ZNF721: variants seen among roughly 807,000 people sequenced by gnomAD.
The protein encoded by ZNF721 is zinc finger protein 721.
In ZNF721, 2 loss-of-function variants were observed where a neutral mutation model predicts 2.4. That is an observed-to-expected ratio of 0.82 (90% CI 0.34 to 2.58). The LOEUF (loss-of-function observed/expected upper bound fraction) is 2.58, where lower values mean the gene tolerates loss of function less well. Ranked by LOEUF, ZNF721 falls within the 30% of genes most tolerant of loss-of-function variation. The pLI is 0.11. For missense variants in ZNF721, 1,187 were observed against 1,085.5 expected (o/e 1.09, Z -1.31); for synonymous variants, 398 against 381.8 (o/e 1.04, Z -0.50).
intron 1 of ZNF721, among the ~76,000 whole-genome samples, chr4:480,689 TA>T (rs1157060799): frequency 1.3e-5 from 2 of 152,208 alleles, no homozygotes; most frequent in East Asian, 3.8e-4. Flanking sequence ...CTGAATGTCC[TA>T]AAGTTTTATA....
rs1487831235 is a variant in ZNF721, at chr4:450,953, AAAAATATATATATATAT to A, written c.35-6538_35-6522del. Among the ~76,000 whole-genome samples the A allele has an allele frequency of 5.4e-3, 183 of 33,580 alleles. 5 individuals are homozygous for A. The highest frequency in any genetic ancestry group is 6.4e-3 in the South Asian group (5 of 778). The allele number at this position is 33,580 out of a possible 152,430, so 22.0% of individuals were successfully genotyped here. On this transcript the variant is annotated intron_variant, in intron 2 of 2. Transcript: ENST00000511833. ...CTCTGTCTCCAAAAAAAAAAAAAAA[AAAAATATATATATATAT>A]ATATATATATATATATATATATATA...
At chr4:482,868 G>T (rs1240132074) in intron 1 of ZNF721, among the ~76,000 whole-genome samples, 1 of 152,124 alleles carries the variant, frequency 6.6e-6, no homozygotes, top group Non-Finnish European at 1.5e-5. Flanking sequence ...TCTGTACTTT[G>T]TTAGAAATAC....
chr4:479,750 T>C (rs1437589704), intron 1 of ZNF721, among the ~76,000 whole-genome samples: 6 of 152,200 alleles, frequency 3.9e-5, no homozygotes, highest in Non-Finnish European at 4.4e-5. Flanking sequence ...CCATGTGGCC[T>C]TGTGGTCTGT....
At chr4:482,584 C>T (rs1715797856) in intron 1 of ZNF721, among the ~76,000 whole-genome samples, 1 of 151,992 alleles carries the variant, frequency 6.6e-6, no homozygotes, top group Admixed American at 6.6e-5. Context: ...GCAACCTCTG[C>T]CTCCCAGGTT....
At chr4:463,903 T>C (rs998160956) in intron 2 of ZNF721, among the ~76,000 whole-genome samples, 1 of 150,302 alleles carries the variant, frequency 6.7e-6, no homozygotes, top group East Asian at 1.9e-4. Context: ...ACTTAGAGCA[T>C]AATAATAAAA....
At position 488,087 on chromosome 4, in the gene ZNF721, C is replaced by T. The variant is rs150469637; in HGVS notation, c.-94+10969G>A. Among the ~76,000 whole-genome samples, 1,217 of 152,318 alleles carry T rather than the reference C, an allele frequency of 8.0e-3. 7 individuals carry two copies. Among genetic ancestry groups the T allele is most frequent in the Non-Finnish European group, 0.013 (885 of 68,030 alleles). ...GCTGATAGGAACCTCAAAAGGAGTACTTAAAACCCAGAAAACATTATAACC... is the reference window on the plus strand; with the variant it reads ...GCTGATAGGAACCTCAAAAGGAGTATTTAAAACCCAGAAAACATTATAACC... On this transcript the variant is annotated intron_variant, in intron 1 of 2. Transcript: ENST00000511833.
chr4:449,087 G>A (rs553197598), intron 2 of ZNF721, among the ~76,000 whole-genome samples: 1 of 152,186 alleles, frequency 6.6e-6, no homozygotes, highest in East Asian at 1.9e-4. Flanking sequence ...AGAAAAAGTA[G>A]GTAGTTGTTT....
At chr4:470,645 C>T (rs1715402387) in intron 2 of ZNF721, among the ~76,000 whole-genome samples, 1 of 152,024 alleles carries the variant, frequency 6.6e-6, no homozygotes, top group South Asian at 2.1e-4. Context: ...ACCCAGGAGG[C>T]AGAGATTGCA....
chr4:452,306 CTG>C (rs1280905797), intron 2 of ZNF721, among the ~76,000 whole-genome samples: 1 of 152,196 alleles, frequency 6.6e-6, no homozygotes, highest in Non-Finnish European at 1.5e-5. Flanking sequence ...CCTGCAAAAA[CTG>C]TAAAATTCCT....
rs1296848804 is a variant in ZNF721 at position 442,801 on chromosome 4, G to A, written c.1666C>T (p.Pro556Ser). The A allele has an allele frequency of 1.9e-6, 3 of 1,613,874 alleles. No homozygotes were observed. The African/African-American group carries it at 4.0e-5, about 22-fold the overall frequency. The change falls in exon 3 of 3, where the codon CCC becomes TCC. Residue 556 changes from proline (P) to serine (S), a missense_variant. Pro to Ser is a moderately conservative substitution (Grantham distance 74). Transcript: ENST00000511833. ...TTGCCACATTCTTCACATGTGTAGG[G>A]TTTCTCTCCAGTATGAATTCTCCTA... ...VHRRIHTGEK[P>S]YTCEECGKTF...
rs1714235690 is a variant in ZNF721, at chr4:441,570, A to T, written c.*125T>A. 3 of 768,820 alleles carry T rather than the reference A, an allele frequency of 3.9e-6. No individual in the cohort carries two copies. The highest frequency in any genetic ancestry group is 6.1e-6 in the Non-Finnish European group (3 of 492,686). 47.6% of individuals were successfully genotyped at this position (768,820 alleles called of 1,614,324 possible). A position where few individuals can be genotyped will look rare whatever the true frequency, so the allele number is the denominator to read the frequency against. On this transcript the variant is annotated 3_prime_UTR_variant, in exon 3 of 3. Coordinates refer to ENST00000511833, the MANE Select transcript of ZNF721 (RefSeq NM_133474.4). Reference sequence around the variant, plus strand: ...TCTCTTCATTATGAATTATCTTATGATTAGAAAGGATTGAGGAGCATTTAA... The same window carrying T: ...TCTCTTCATTATGAATTATCTTATGTTTAGAAAGGATTGAGGAGCATTTAA...
intron 2 of ZNF721, among the ~76,000 whole-genome samples, chr4:457,625 C>T (rs1308045232): frequency 6.6e-6 from 1 of 152,164 alleles, no homozygotes; most frequent in Non-Finnish European, 1.5e-5. Context: ...ACATATCAGT[C>T]ATGGTGTGGA....
chr4:464,758 C>A (rs1023492307), intron 2 of ZNF721, among the ~76,000 whole-genome samples: 1 of 152,028 alleles, frequency 6.6e-6, no homozygotes, highest in African/African-American at 2.4e-5. Flanking sequence ...ATAAAGATTT[C>A]AGAATGCTAT....
intron 1 of ZNF721, among the ~76,000 whole-genome samples, chr4:481,684 T>C (rs1021369192): frequency 6.6e-6 from 1 of 152,140 alleles, no homozygotes. Context: ...AGTGATCTAT[T>C]TGACAGGAGT....
At chr4:464,823 T>C (rs1273422435) in intron 2 of ZNF721, among the ~76,000 whole-genome samples, 1 of 152,122 alleles carries the variant, frequency 6.6e-6, no homozygotes, top group East Asian at 1.9e-4. Flanking sequence ...CTCACGCCTG[T>C]AATCCCAGCA....
rs1252196553 is a variant in ZNF721 at position 441,990 on chromosome 4, T to G, written c.2477A>C (p.Lys826Thr). 3.1e-6 allele frequency: 5 copies of G among 1,613,814 alleles called. No individual in the cohort carries two copies. The highest frequency in any genetic ancestry group is 1.3e-5 in the African/African-American group (1 of 74,876). ...CTCTCCAGTATGAATTCTCCTATGT[T>G]TAGTAAGGGTTGTGGAACTAGTAAA... ...KAFTSSTTLT[K>T]HRRIHTGEKP... The change falls in exon 3 of 3, where the codon AAA becomes ACA. Residue 826 changes from lysine (K) to threonine (T), a missense_variant. Coordinates refer to ENST00000511833, the MANE Select transcript of ZNF721 (RefSeq NM_133474.4).
intron 2 of ZNF721, among the ~76,000 whole-genome samples, chr4:461,398 C>A (rs1553866072): frequency 6.6e-6 from 1 of 152,202 alleles, no homozygotes; most frequent in Non-Finnish European, 1.5e-5. Flanking sequence ...CAATAAAATT[C>A]AACACCCCTT....
intron 1 of ZNF721, among the ~76,000 whole-genome samples, chr4:483,767 A>G (rs1196065942): frequency 5.3e-5 from 8 of 152,216 alleles, no homozygotes; most frequent in African/African-American, 1.9e-4. Context: ...AAATCGAAAT[A>G]TTACATATTT....
At chr4:477,248 G>A (rs1207992898) in intron 1 of ZNF721, among the ~76,000 whole-genome samples, 1 of 141,196 alleles carries the variant, frequency 7.1e-6, no homozygotes, top group Non-Finnish European at 1.5e-5. Flanking sequence ...AGACACTGGT[G>A]AGTTCCTTTT....
Sources: allele counts gnomAD v4.1 joint callset (sites outside exome capture counted in the v4.1 genomes callset), GRCh38; gene constraint gnomAD v4.1.1; transcripts MANE v1.5; gene names NCBI Gene and HGNC (gene_info 2026-07-23, HGNC 2026-07-21).